The following GPHN variants were observed in gnomAD, a reference collection of about 807,000 sequenced individuals.
The protein encoded by GPHN is gephyrin.
GPHN carries 17 observed loss-of-function variants against 95.5 expected under a neutral mutation model. The observed-to-expected ratio is 0.18, with a 90% confidence interval of 0.12 to 0.27. The LOEUF (loss-of-function observed/expected upper bound fraction) is 0.27, where lower values mean the gene tolerates loss of function less well. Among genes scored for constraint, GPHN ranks in the 10% least tolerant of loss-of-function variants. The pLI is 1.00. For missense variants in GPHN, 660 were observed against 978.1 expected, an observed-to-expected ratio of 0.67 and a Z score of 4.34; for synonymous variants, 320 against 322.5, an observed-to-expected ratio of 0.99 and a Z score of 0.08.
the GPHN span, among the ~76,000 whole-genome samples, chr14:67,267,280 C>T: frequency 1.3e-4 from 20 of 151,980 alleles, 2 homozygotes; most frequent in African/African-American, 4.8e-4. Context: ...TTTAATGAGA[C>T]GGAATTTCAC....
At chr14:67,039,167 T>C (rs547386834) in intron 10 of GPHN, among the ~76,000 whole-genome samples, 2 of 152,312 alleles carry the variant, frequency 1.3e-5, no homozygotes, top group East Asian at 1.9e-4. Flanking sequence ...TTATACCTTA[T>C]ATTTCATCCT....
intron 2 of GPHN, among the ~76,000 whole-genome samples, chr14:66,724,179 C>T (rs1272013369): frequency 1.3e-5 from 2 of 152,046 alleles, no homozygotes; most frequent in East Asian, 1.9e-4. Flanking sequence ...TGGGACAAAT[C>T]GAGGTTAGCT....
rs116535110 is a variant in GPHN, at chr14:66,694,166, G to T, written c.143+12981G>T. 7.3e-3 allele frequency among the ~76,000 whole-genome samples: 1,107 copies of T among 152,216 alleles called. 6 individuals carry two copies. The highest frequency in any genetic ancestry group is 0.025 in the African/African-American group (1,057 of 41,522). Reference sequence around the variant, plus strand: ...TTTGGGAGGTGATTTAGTCATGAGGGCAGAGACCTCATGAATTGGATTAGT... The same window carrying T: ...TTTGGGAGGTGATTTAGTCATGAGGTCAGAGACCTCATGAATTGGATTAGT... On this transcript the variant is annotated intron_variant, in intron 2 of 22. Coordinates refer to ENST00000478722, the MANE Select transcript of GPHN (RefSeq NM_020806.5).
At chr14:66,729,385 A>T (rs192647267) in intron 2 of GPHN, among the ~76,000 whole-genome samples, 10 of 152,326 alleles carry the variant, frequency 6.6e-5, no homozygotes, top group African/African-American at 2.4e-4. Flanking sequence ...TCTGTCCAAA[A>T]ATCATGAACG....
At chr14:66,594,019 A>G (rs1455860404) in intron 1 of GPHN, among the ~76,000 whole-genome samples, 2 of 152,204 alleles carry the variant, frequency 1.3e-5, no homozygotes, top group Non-Finnish European at 2.9e-5. Context: ...GCATTTCTAT[A>G]CAGTAACATC....
chr14:66,839,559 T>C (rs1158460785), intron 4 of GPHN, among the ~76,000 whole-genome samples: 1 of 152,098 alleles, frequency 6.6e-6, no homozygotes, highest in East Asian at 1.9e-4. Flanking sequence ...AAAATGGAGG[T>C]ATTTGAACCA....
chr14:67,000,750 ATC>A (rs1016571159), intron 9 of GPHN, among the ~76,000 whole-genome samples: 30 of 151,678 alleles, frequency 2.0e-4, no homozygotes, highest in African/African-American at 6.5e-4. Context: ...ATTAGTATAT[ATC>A]TCTCTCTCTG....
At chr14:67,595,615 G>T in the GPHN span, among the ~76,000 whole-genome samples, 1 of 152,204 alleles carries the variant, frequency 6.6e-6, no homozygotes, top group Admixed American at 6.5e-5. Flanking sequence ...GGGGAGATCT[G>T]CTGGAGGGGC....
the GPHN span, among the ~76,000 whole-genome samples, chr14:67,534,259 CA>C: frequency 2.6e-5 from 4 of 151,982 alleles, no homozygotes; most frequent in Non-Finnish European, 5.9e-5. Flanking sequence ...CCCATTTTTC[CA>C]AAGGAGGAAG....
At chr14:67,105,645 GCTA>G (rs760821791) in intron 13 of GPHN, among the ~76,000 whole-genome samples, 97 of 152,086 alleles carry the variant, frequency 6.4e-4, no homozygotes, top group Non-Finnish European at 1.2e-3. Context: ...TATAAATGTG[GCTA>G]CTTTTACCTG....
intron 2 of GPHN, among the ~76,000 whole-genome samples, chr14:66,736,265 G>A (rs773969756): frequency 1.2e-3 from 187 of 152,038 alleles, no homozygotes; most frequent in Non-Finnish European, 5.4e-4. Context: ...GAGAATCAGT[G>A]AAGATTGTTT....
rs1406610713 is a variant in GPHN, at chr14:67,165,178, G to A, written c.1927G>A (p.Ala643Thr). The A allele has an allele frequency of 6.2e-7, 1 of 1,609,770 alleles. No homozygotes were observed. Among genetic ancestry groups the A allele is most frequent in the Non-Finnish European group, 8.5e-7 (1 of 1,176,288 alleles). ...FMKPGLPTTF[A>T]TLDIDGVRKI... Reference sequence around the variant, plus strand: ...TTCTTCTAGCTTGCCAACAACATTTGCAACTTTGGATATTGATGGTGTAAG... The same window carrying A: ...TTCTTCTAGCTTGCCAACAACATTTACAACTTTGGATATTGATGGTGTAAG... The change falls in exon 20 of 23, where the codon GCA becomes ACA. Residue 643 changes from alanine (A) to threonine (T), a missense_variant. Ala to Thr is a moderately conservative substitution (Grantham distance 58, BLOSUM62 0). Coordinates refer to ENST00000478722, the MANE Select transcript of GPHN (RefSeq NM_020806.5).
rs142010530 is a variant in GPHN, at chr14:66,740,517, A to G, written c.144-35947A>G. Among the ~76,000 whole-genome samples, 436 of 151,880 alleles carry G rather than the reference A, an allele frequency of 2.9e-3. 7 individuals are homozygous for G. The highest frequency in any genetic ancestry group is 0.027 in the Admixed American group (415 of 15,274). The stretch of plus-strand genomic sequence containing the variant: ...TCTTTGTAGGCTCTTTGTATTTCCC[A>G]GTTGTTTTAAACTGAACATTTAGTA... On this transcript the variant is annotated intron_variant, in intron 2 of 22. Coordinates refer to ENST00000478722, the MANE Select transcript of GPHN (RefSeq NM_020806.5).
intron 1 of GPHN, among the ~76,000 whole-genome samples, chr14:66,614,073 T>C (rs1033874880): frequency 4.6e-5 from 7 of 152,142 alleles, no homozygotes; most frequent in African/African-American, 1.4e-4. Flanking sequence ...AGAGATACTA[T>C]ACCTTTGTTG....
intron 1 of GPHN, among the ~76,000 whole-genome samples, chr14:66,548,014 C>A (rs2059663665): frequency 6.6e-6 from 1 of 151,588 alleles, no homozygotes; most frequent in African/African-American, 2.4e-5. Flanking sequence ...TTTGTGGCAA[C>A]CTTTTATCCA....
In GPHN at chr14:67,163,297, C is replaced by G. The variant is rs1028784025; in HGVS notation, c.1911-1865C>G. On this transcript the variant is annotated intron_variant, in intron 19 of 22. Coordinates refer to ENST00000478722, the MANE Select transcript of GPHN (RefSeq NM_020806.5). ...CTCCAGCATGGGTGACAGATCAAGA[C>G]CTTGTCTCAAAAAATAAATAAATAA... Among the ~76,000 whole-genome samples the G allele has an allele frequency of 4.6e-5, 7 of 151,902 alleles. No individual in the cohort carries two copies. The South Asian group carries it at 1.5e-3, about 32-fold the overall frequency.
At position 67,045,491 on chromosome 14, in the gene GPHN, G is replaced by A. The variant is rs954754771; in HGVS notation, c.1007-13158G>A. ...TCTGTTTCTCTGTCTCTCTGTGTGT[G>A]TCTGTCTTTGTCTTTCTCTGTCTGT... On this transcript the variant is annotated intron_variant, in intron 10 of 22. Transcript: ENST00000478722. 2.0e-5 allele frequency among the ~76,000 whole-genome samples: 3 copies of A among 147,262 alleles called. No homozygotes were observed. In the East Asian group the frequency reaches 6.3e-4, roughly 31 times the overall value.
intron 5 of GPHN, among the ~76,000 whole-genome samples, chr14:66,908,642 A>G (rs1422967372): frequency 2.0e-5 from 3 of 152,060 alleles, no homozygotes; most frequent in Non-Finnish European, 4.4e-5. Context: ...GGGAAGAGTA[A>G]CTTTGCTATG....
chr14:66,562,115 G>A (rs7155157), intron 1 of GPHN, among the ~76,000 whole-genome samples: 49,835 of 151,824 alleles, frequency 0.33, 12,007 homozygotes, highest in African/African-American at 0.66. Flanking sequence ...AAAATCCTTA[G>A]TATTAATTGT....
Sources: allele counts gnomAD v4.1 joint callset (sites outside exome capture counted in the v4.1 genomes callset), GRCh38; gene constraint gnomAD v4.1.1; transcripts MANE v1.5; gene names NCBI Gene and HGNC (gene_info 2026-07-23, HGNC 2026-07-21).